The following KANK1 variants were observed in gnomAD, a reference collection of about 807,000 sequenced individuals.
The protein encoded by KANK1 is KN motif and ankyrin repeat domain-containing protein 1.
A neutral mutation model predicts 106.2 loss-of-function variants in KANK1; 109 were observed. The observed-to-expected ratio is 1.03, with a 90% CI of 0.88 to 1.20. The LOEUF (loss-of-function observed/expected upper bound fraction) is 1.20. KANK1 is among the 50% of genes most tolerant of loss of function. The probability of loss-of-function intolerance (pLI) is 0.00; values close to 1 mark genes in which losing one functional copy is unlikely to be tolerated. For missense variants in KANK1, 2,399 were observed against 1,710.7 expected (o/e 1.40, Z -7.10); for synonymous variants, 873 against 652.2 (o/e 1.34, Z -5.16).
intron 2 of KANK1, among the ~76,000 whole-genome samples, chr9:709,732 C>T (rs1447152874): frequency 1.3e-5 from 2 of 151,918 alleles, no homozygotes; most frequent in South Asian, 4.2e-4. Context: ...TCTCCTGCCT[C>T]AGCCTCCCAA....
At chr9:722,589 G>C (rs141798103) in intron 3 of KANK1, among the ~76,000 whole-genome samples, 67 of 152,222 alleles carry the variant, frequency 4.4e-4, no homozygotes, top group African/African-American at 1.5e-3. Flanking sequence ...ACTACAAGTG[G>C]GTCCTTATCA....
At position 740,571 on chromosome 9, in the gene KANK1, G is replaced by T. The variant is rs559397955; in HGVS notation, c.3554-221G>T. Among the ~76,000 whole-genome samples, 3 of 152,154 alleles carry T rather than the reference G, an allele frequency of 2.0e-5. No individual in the cohort carries two copies. The South Asian group carries it at 6.2e-4, about 32-fold the overall frequency. The stretch of plus-strand genomic sequence containing the variant: ...ACAAGATACGCTGTGGAAGCTTACC[G>T]TTGTTTCTCTTGCTTCAGGTGTCGT... On this transcript the variant is annotated intron_variant, in intron 8 of 11. Coordinates refer to ENST00000382297, the MANE Select transcript of KANK1 (RefSeq NM_015158.5).
intron 1 of KANK1, among the ~76,000 whole-genome samples, chr9:652,117 A>G (rs1363801341): frequency 6.6e-6 from 1 of 152,186 alleles, no homozygotes; most frequent in Non-Finnish European, 1.5e-5. Context: ...TCTTCATCTC[A>G]CAGATTCATT....
intron 3 of KANK1, among the ~76,000 whole-genome samples, chr9:717,434 T>C (rs1391981214): frequency 6.6e-6 from 1 of 152,240 alleles, no homozygotes; most frequent in Non-Finnish European, 1.5e-5. Flanking sequence ...TAGAAACATA[T>C]ATTTTTGTAA....
At chr9:571,284 C>T (rs897001532) in intron 1 of KANK1, among the ~76,000 whole-genome samples, 1 of 152,030 alleles carries the variant, frequency 6.6e-6, no homozygotes, top group Non-Finnish European at 1.5e-5. Flanking sequence ...CCAGAGGAAG[C>T]CTTTGCCAGA....
intron 1 of KANK1, among the ~76,000 whole-genome samples, chr9:674,564 T>G (rs1241528247): frequency 6.6e-6 from 1 of 152,134 alleles, no homozygotes; most frequent in Non-Finnish European, 1.5e-5. Flanking sequence ...TCCTTTTCTT[T>G]CCTTTTTATT....
chr9:584,104 A>G (rs2135382253), intron 1 of KANK1, among the ~76,000 whole-genome samples: 1 of 152,298 alleles, frequency 6.6e-6, no homozygotes, highest in East Asian at 1.9e-4. Context: ...TCTCAGCATT[A>G]CATATATAAT....
At chr9:582,780 A>G (rs1410125478) in intron 1 of KANK1, among the ~76,000 whole-genome samples, 1 of 152,224 alleles carries the variant, frequency 6.6e-6, no homozygotes, top group African/African-American at 2.4e-5. Flanking sequence ...GAATTTCAGT[A>G]CAAGCTGTAC....
intron 1 of KANK1, among the ~76,000 whole-genome samples, chr9:612,326 C>T (rs1830755112): frequency 6.6e-6 from 1 of 152,070 alleles, no homozygotes; most frequent in South Asian, 2.1e-4. Context: ...AGTACAAAGT[C>T]TAAGATGTCC....
chr9:647,048 G>A (rs1360785947), intron 1 of KANK1, among the ~76,000 whole-genome samples: 2 of 151,020 alleles, frequency 1.3e-5, no homozygotes, highest in South Asian at 4.1e-4. Context: ...ATTTGGCTTT[G>A]AGTTACTAGG....
chr9:731,020 T>G, intron 4 of KANK1, 138 bp from the exon 5 acceptor site: 1 of 459,074 alleles, frequency 2.2e-6, no homozygotes, highest in Non-Finnish European at 3.9e-6. Context: ...ACTTTCCCAT[T>G]GAATTTTGTG....
intron 3 of KANK1, among the ~76,000 whole-genome samples, chr9:486,288 A>C (rs1238191040): frequency 1.3e-5 from 2 of 152,144 alleles, no homozygotes; most frequent in Non-Finnish European, 2.9e-5. Context: ...AGTCCGTGTA[A>C]CTCTGAATTT....
chr9:636,746 A>G (rs904348608), intron 1 of KANK1, among the ~76,000 whole-genome samples: 3 of 152,208 alleles, frequency 2.0e-5, no homozygotes, highest in African/African-American at 4.8e-5. Flanking sequence ...GTGTGCTTGT[A>G]ATCCCAGCTA....
intron 1 of KANK1, among the ~76,000 whole-genome samples, chr9:676,272 G>T (rs1224680795): frequency 2.0e-5 from 3 of 152,082 alleles, no homozygotes. Context: ...GAGTTGCTCT[G>T]GTCCGAATGC....
intron 1 of KANK1, among the ~76,000 whole-genome samples, chr9:543,632 G>A (rs1360031416): frequency 6.6e-6 from 1 of 151,614 alleles, no homozygotes; most frequent in Non-Finnish European, 1.5e-5. Context: ...GTCCTTCTAC[G>A]GAAGTCAGTA....
chr9:472,619 C>T (rs758543464), intron 2 of KANK1, among the ~76,000 whole-genome samples: 6 of 152,208 alleles, frequency 3.9e-5, no homozygotes, highest in African/African-American at 9.7e-5. Context: ...CTTAAGCCTG[C>T]CAGCTTTTGC....
chr9:531,005 A>G (rs574054611), intron 1 of KANK1, among the ~76,000 whole-genome samples: 1 of 152,076 alleles, frequency 6.6e-6, no homozygotes, highest in African/African-American at 2.4e-5. Flanking sequence ...TTTAAAGGAA[A>G]CTGATCATAT....
At chr9:731,786 C>G (rs1389237121) in intron 5 of KANK1, 1 of 153,876 alleles carries the variant, frequency 6.5e-6, no homozygotes, top group Non-Finnish European at 1.4e-5. Context: ...TTGCATTGGC[C>G]CACGTACATA....
chr9:494,751 C>T (rs115906088), intron 3 of KANK1, among the ~76,000 whole-genome samples: 1,699 of 152,206 alleles, frequency 0.011, 20 homozygotes, highest in African/African-American at 0.038. Context: ...CATCCTGCCC[C>T]GCTACTGTAT....
Sources: gnomAD v4.1 joint callset for allele counts (sites outside exome capture counted in the v4.1 genomes callset) on GRCh38, gnomAD v4.1.1 for gene constraint, MANE v1.5 for transcripts, NCBI Gene and HGNC (gene_info 2026-07-23, HGNC 2026-07-21) for gene names.